The following SLC11A1 variants were observed in gnomAD, a reference collection of about 807,000 sequenced individuals.
SLC11A1 encodes the protein solute carrier family 11 member 1.
Under a neutral mutation model 63.2 loss-of-function variants are expected in SLC11A1, and 59 were observed. The ratio of observed to expected loss-of-function variants is 0.93; its 90% CI spans 0.76 to 1.16. The LOEUF is 1.16. Among genes scored for constraint, SLC11A1 ranks in the 50% most tolerant of loss-of-function variants. The pLI, the probability that SLC11A1 is intolerant of heterozygous loss-of-function variation, is 0.00. For missense variants in SLC11A1, 688 were observed against 730.7 expected (o/e 0.94, Z 0.67); for synonymous variants, 305 against 307.8 (o/e 0.99, Z 0.09).
rs747926968 is a variant in SLC11A1, at chr2:218,394,823, G to A, written c.1542+38G>A. 3.1e-6 allele frequency: 5 copies of A among 1,609,686 alleles called. No individual in the cohort carries two copies. The East Asian group carries it at 8.9e-5, about 29-fold the overall frequency. On this transcript the variant is annotated intron_variant, in intron 14 of 14. Coordinates refer to ENST00000233202, the MANE Select transcript of SLC11A1 (RefSeq NM_000578.4). ...CAGGGGATGCCTTGGGAATGGATGAGGGAAGGACAAGAGGCAACCAATGGG... is the reference window on the plus strand; with the variant it reads ...CAGGGGATGCCTTGGGAATGGATGAAGGAAGGACAAGAGGCAACCAATGGG...
Position 218,382,303 on chromosome 2 carries a change from G to T in SLC11A1, c.-66G>T. 1 of 1,594,012 alleles carries T rather than the reference G, an allele frequency of 6.3e-7. No homozygotes were observed. The highest frequency in any genetic ancestry group is 8.6e-7 in the Non-Finnish European group (1 of 1,166,086). On this transcript the variant is annotated 5_prime_UTR_variant, in exon 1 of 15. Transcript: ENST00000233202. Reference sequence around the variant, plus strand: ...TACTTGCACCAGTGCCCAGAGAGGGGGTGCAGGCTGAGGAGCTGCCCAGAG... The same window carrying T: ...TACTTGCACCAGTGCCCAGAGAGGGTGTGCAGGCTGAGGAGCTGCCCAGAG...
chr2:218,386,738 G>T lies in SLC11A1; in HGVS notation c.497G>T (p.Gly166Val). 1 of 1,612,778 alleles carries T rather than the reference G, an allele frequency of 6.2e-7. No individual in the cohort carries two copies. Among genetic ancestry groups the T allele is most frequent in the Non-Finnish European group, 8.5e-7 (1 of 1,178,848 alleles). The change falls in exon 5 of 15, where the codon GGA (glycine) becomes GTA (valine). Residue 166 changes from glycine (G) to valine (V), a missense_variant. By Grantham distance (109) the Gly-to-Val change is moderately radical. Transcript: ENST00000233202. ...ATTGCATTCAATCTGCTCTCAGCTGGACGGTACCACCCCAGTGTACCCCAA... is the reference window on the plus strand; with the variant it reads ...ATTGCATTCAATCTGCTCTCAGCTGTACGGTACCACCCCAGTGTACCCCAA... ...TAIAFNLLSA[G>V]RIPLWGGVLI...
intron 1 of SLC11A1, among the ~76,000 whole-genome samples, chr2:218,382,675 C>T (rs1695868784): frequency 1.3e-5 from 2 of 152,186 alleles, no homozygotes. Context: ...AGACATGTGG[C>T]CTCAGCTTGC....
In SLC11A1 at chr2:218,390,046, C is replaced by T; in HGVS notation, c.954+18C>T. On this transcript the variant is annotated intron_variant, in intron 9 of 14. Coordinates refer to ENST00000233202, the MANE Select transcript of SLC11A1 (RefSeq NM_000578.4). The stretch of plus-strand genomic sequence containing the variant: ...AGGCTGCGGTGAGACACACTTTCCC[C>T]CGCACCTGAGGCCACACACGTACTC... 6.2e-7 allele frequency: 1 copy of T among 1,601,630 alleles called. No homozygotes were observed. The highest frequency in any genetic ancestry group is 8.5e-7 in the Non-Finnish European group (1 of 1,173,344).
Position 218,384,997 on chromosome 2 carries a change from ACAGGGTGAGCTAC to A in SLC11A1, c.274-146_274-134del. 1.0e-6 allele frequency: 1 copy of A among 967,582 alleles called. No individual in the cohort carries two copies. The highest frequency in any genetic ancestry group is 1.5e-6 in the Non-Finnish European group (1 of 655,926). The allele number at this position is 967,582 out of a possible 1,614,324, so 59.9% of individuals were successfully genotyped here. On this transcript the variant is annotated intron_variant, in intron 3 of 14. Coordinates refer to ENST00000233202, the MANE Select transcript of SLC11A1 (RefSeq NM_000578.4). This position sits in a 1 kb window ranked among gnomAD's most constrained non-coding sequence, Gnocchi z 4.0. ...CTTAGCCTTTTAAAGTGCTGGGATTACAGGGTGAGCTACCAGCGCCCAGCCAGGATGGGACTCC... is the reference window on the plus strand; with the variant it reads ...CTTAGCCTTTTAAAGTGCTGGGATTACAGCGCCCAGCCAGGATGGGACTCC...
intron 8 of SLC11A1, 200 bp downstream of exon 8, chr2:218,388,155 G>C: frequency 5.1e-6 from 3 of 593,628 alleles, no homozygotes; most frequent in Non-Finnish European, 8.6e-6. Context: ...GGATCACGAG[G>C]TCAAGAGATC....
Position 218,387,913 on chromosome 2 carries a change from C to G in SLC11A1, c.753C>G (p.Ile251Met). The G allele has an allele frequency of 6.2e-7, 1 of 1,609,944 alleles. No individual in the cohort carries two copies. The highest frequency in any genetic ancestry group is 8.5e-7 in the Non-Finnish European group (1 of 1,178,500). Residue 251 changes from isoleucine (I) to methionine (M), a missense_variant, in exon 8 of 15, where the codon ATC becomes ATG. By Grantham distance (10) the Ile-to-Met change is conservative (BLOSUM62 1). Coordinates refer to ENST00000233202, the MANE Select transcript of SLC11A1 (RefSeq NM_000578.4). ...LLQAVGIVGA[I>M]IMPHNIYLHS... is the part of the protein sequence containing the mutation. ...AGGCGGTGGGCATTGTTGGCGCCAT[C>G]ATCATGCCCCACAACATCTACCTGC...
At position 218,392,983 on chromosome 2, in the gene SLC11A1, C is replaced by A. The variant is rs769206758; in HGVS notation, c.1167C>A (p.Gly389=). ...CAAGGAGTTCACCCCCACCCCAGGG[C>A]TTCCTGAGGCTGCGGTGGTCACGCT... ...GTYAGQFVME[G]FLRLRWSRFA... The change falls in exon 12 of 15, where the codon GGC becomes GGA. Residue 389 remains glycine (G), a splice_region_variant and synonymous_variant. Transcript: ENST00000233202. The A allele has an allele frequency of 6.3e-7, 1 of 1,591,168 alleles. No individual in the cohort carries two copies. The highest frequency in any genetic ancestry group is 2.3e-5 in the East Asian group (1 of 42,748).
chr2:218,386,281 C>T (rs78380570), intron 4 of SLC11A1, among the ~76,000 whole-genome samples: 7 of 152,114 alleles, frequency 4.6e-5, no homozygotes, highest in South Asian at 2.1e-4. Flanking sequence ...GGAGAAACCC[C>T]GTCTCTACTA....
rs1188767271 is a variant in SLC11A1 at position 218,387,657 on chromosome 2, A to T, written c.639+25A>T. 7 of 1,613,590 alleles carry T rather than the reference A, an allele frequency of 4.3e-6. No individual in the cohort carries two copies. In the African/African-American group the frequency reaches 6.7e-5, roughly 15 times the overall value. ...GGTAGGAAGCCAGTGCTGCAACCCC[A>T]CTGTGGACCTCCCAAGATCATTCCT... On this transcript the variant is annotated intron_variant, in intron 7 of 14. Coordinates refer to ENST00000233202, the MANE Select transcript of SLC11A1 (RefSeq NM_000578.4).
rs186131509 is a variant in SLC11A1, at chr2:218,384,946, C to T, written c.274-201C>T. 2.1e-3 allele frequency: 1,188 copies of T among 573,038 alleles called. 6 individuals are homozygous for T. The highest frequency in any genetic ancestry group is 2.9e-3 in the Non-Finnish European group (934 of 326,302). The allele number at this position is 573,038 out of a possible 1,614,324, so 35.5% of individuals were successfully genotyped here. On this transcript the variant is annotated intron_variant, in intron 3 of 14. Coordinates refer to ENST00000233202, the MANE Select transcript of SLC11A1 (RefSeq NM_000578.4). This position sits in a 1 kb window ranked among gnomAD's most constrained non-coding sequence, Gnocchi z 4.0. ...CTATGTTGCTCAGGCTGCTCTTGAA[C>T]TCCTGGACTCAAGCAATCCTCCCAC...
intron 14 of SLC11A1, 54 bp from the exon 15 acceptor site, chr2:218,394,871 G>A (rs760570154): frequency 1.2e-6 from 2 of 1,606,022 alleles, no homozygotes; most frequent in Non-Finnish European, 1.7e-6. Flanking sequence ...GGACACAATG[G>A]GGCTTCCCCA....
chr2:218,391,735 G>A, intron 11 of SLC11A1: 1 of 448,336 alleles, frequency 2.2e-6, no homozygotes, highest in Non-Finnish European at 4.0e-6. Flanking sequence ...AGCTTCTCCT[G>A]CTTCAGCCTC....
At position 218,395,986 on chromosome 2, in the gene SLC11A1, C is replaced by A. The variant is rs1696734897; in HGVS notation, c.*951C>A. ...GTCATAAGGAACCCAAGAGTCTGTG[C>A]CTCTGAGGCCCAAATTATTTGCTGT... On this transcript the variant is annotated 3_prime_UTR_variant, in exon 15 of 15. Coordinates refer to ENST00000233202, the MANE Select transcript of SLC11A1 (RefSeq NM_000578.4). 1 of 152,402 alleles carries A rather than the reference C, an allele frequency of 6.6e-6. No homozygotes were observed. Among genetic ancestry groups the A allele is most frequent in the South Asian group, 2.1e-4 (1 of 4,836 alleles). The allele number at this position is 152,402 out of a possible 1,614,324, so 9.4% of individuals were successfully genotyped here. A position where few individuals can be genotyped will look rare whatever the true frequency, so the allele number is the denominator to read the frequency against.
At chr2:218,391,793 T>C (rs1273428153) in intron 11 of SLC11A1, 2 of 344,388 alleles carry the variant, frequency 5.8e-6, no homozygotes, top group Admixed American at 4.7e-5. Flanking sequence ...TGGCTAATTT[T>C]TGTACTTTTA....
chr2:218,386,517 G>C, intron 4 of SLC11A1, 118 bp from the exon 5 acceptor site: 1 of 679,164 alleles, frequency 1.5e-6, no homozygotes. Flanking sequence ...ACATAAGGTA[G>C]GAAGCCCATT....
chr2:218,388,811 A>G (rs1696272099), intron 8 of SLC11A1, among the ~76,000 whole-genome samples: 1 of 151,246 alleles, frequency 6.6e-6, no homozygotes, highest in Admixed American at 6.6e-5. Context: ...CAAAAAAAGA[A>G]AAAGAACAAG....
In SLC11A1 at chr2:218,389,975, T is replaced by C; in HGVS notation, c.901T>C (p.Phe301Leu). 2 of 1,613,996 alleles carry C rather than the reference T, an allele frequency of 1.2e-6. No individual in the cohort carries two copies. The highest frequency in any genetic ancestry group is 1.7e-6 in the Non-Finnish European group (2 of 1,179,944). Residue 301 changes from phenylalanine to leucine, a missense_variant, in exon 9 of 15, where the codon TTT becomes CTT. By Grantham distance (22) the Phe-to-Leu change is conservative. Transcript: ENST00000233202. ...GTCCGTCTCCTTTATCATCAACCTC[T>C]TTGTCATGGCTGTCTTTGGGCAGGC... ...ALSVSFIINL[F>L]VMAVFGQAFY...
intron 5 of SLC11A1, chr2:218,386,949 C>A: frequency 1.5e-6 from 1 of 646,178 alleles, no homozygotes; most frequent in Non-Finnish European, 2.8e-6. Context: ...CAGCCCCAAA[C>A]TCCCTGCTGC....
Sources: gnomAD v4.1 joint callset for allele counts (sites outside exome capture counted in the v4.1 genomes callset) on GRCh38, gnomAD v4.1.1 for gene constraint, Gnocchi (gnomAD v3.1) non-coding constraint, MANE v1.5 for transcripts, NCBI Gene and HGNC (gene_info 2026-07-23, HGNC 2026-07-21) for gene names.